FBXO34: variants seen among roughly 807,000 people sequenced by gnomAD.
FBXO34 encodes F-box protein 34.
Under a neutral mutation model 24.5 loss-of-function variants are expected in FBXO34, and 12 were observed. The ratio of observed to expected loss-of-function variants is 0.49; its 90% confidence interval spans 0.31 to 0.79. The LOEUF (loss-of-function observed/expected upper bound fraction) is 0.79. Among genes scored for constraint, FBXO34 ranks in the 30% least tolerant of loss-of-function variants. FBXO34 has a pLI of 0.04. For synonymous variants in FBXO34, 320 were observed against 311.9 expected, an observed-to-expected ratio of 1.03 and a Z score of -0.27; for missense variants, 823 against 857.7, an observed-to-expected ratio of 0.96 and a Z score of 0.51.
At chr14:55,312,218 CAAAA>C (rs1033067155) in intron 1 of FBXO34, among the ~76,000 whole-genome samples, 3 of 149,292 alleles carry the variant, frequency 2.0e-5, no homozygotes, top group East Asian at 3.9e-4. Flanking sequence ...AACAAACAAA[CAAAA>C]AACCTTAAAG....
At chr14:55,412,237 T>C in the FBXO34 span, among the ~76,000 whole-genome samples, 1 of 152,160 alleles carries the variant, frequency 6.6e-6, no homozygotes, top group Non-Finnish European at 1.5e-5. Flanking sequence ...AGGGGCTGGG[T>C]CTTGGAACTA....
intron 1 of FBXO34, among the ~76,000 whole-genome samples, chr14:55,310,718 T>G (rs1185053018): frequency 6.6e-6 from 1 of 152,192 alleles, no homozygotes; most frequent in Non-Finnish European, 1.5e-5. Context: ...CGAATCACTC[T>G]TAAGGGAGTA....
intron 1 of FBXO34, among the ~76,000 whole-genome samples, chr14:55,331,691 A>ATATATATATATGTG (rs1883552312): frequency 1.5e-5 from 1 of 66,770 alleles, no homozygotes; most frequent in African/African-American, 1.9e-4. Flanking sequence ...ATATGTGTAT[A>ATATATATATATGTG]TATATATATA....
At chr14:55,423,344 G>A in the FBXO34 span, among the ~76,000 whole-genome samples, 2 of 152,312 alleles carry the variant, frequency 1.3e-5, no homozygotes, top group South Asian at 2.1e-4. Context: ...ACAATTGGGC[G>A]ATTTGTTCTA....
chr14:55,370,981 C>T (rs1483190645), downstream of FBXO34, among the ~76,000 whole-genome samples: 1 of 152,132 alleles, frequency 6.6e-6, no homozygotes, highest in Non-Finnish European at 1.5e-5. Flanking sequence ...AAATGCCCCT[C>T]AGCTCCTGCT....
chr14:55,278,109 C>G (rs187905396), intron 1 of FBXO34, among the ~76,000 whole-genome samples: 1 of 152,168 alleles, frequency 6.6e-6, no homozygotes, highest in African/African-American at 2.4e-5. Flanking sequence ...ACTGTTGTTT[C>G]TGTTCTCTGT....
the FBXO34 span, among the ~76,000 whole-genome samples, chr14:55,386,602 G>C: frequency 6.6e-6 from 1 of 152,348 alleles, no homozygotes; most frequent in Admixed American, 6.5e-5. Context: ...AAAAGTCACA[G>C]TGGAGTGTGG....
At chr14:55,354,996 C>G (rs761592666), downstream of FBXO34, 1 of 152,234 alleles carries the variant, frequency 6.6e-6, no homozygotes, top group Admixed American at 6.6e-5. Flanking sequence ...AAACCTCCCC[C>G]CTCAGCTTTT....
At chr14:55,324,186 A>G (rs934142442) in intron 1 of FBXO34, among the ~76,000 whole-genome samples, 1 of 152,136 alleles carries the variant, frequency 6.6e-6, no homozygotes, top group Non-Finnish European at 1.5e-5. Context: ...AGAATCATAT[A>G]GTATGTGCCT....
rs532894025 is a variant in FBXO34 at position 55,333,843 on chromosome 14, A to G, written c.-10-16538A>G. On this transcript the variant is annotated intron_variant, in intron 1 of 1. Transcript: ENST00000313833. Reference sequence around the variant, plus strand: ...GGACTTAGTGTCTGTATATTTTAGTATTTAAAGGATGTGGTTTGGTGCTTT... The same window carrying G: ...GGACTTAGTGTCTGTATATTTTAGTGTTTAAAGGATGTGGTTTGGTGCTTT... 3.3e-5 allele frequency among the ~76,000 whole-genome samples: 5 copies of G among 151,884 alleles called. No individual in the cohort carries two copies. The South Asian group carries it at 1.0e-3, about 32-fold the overall frequency.
the FBXO34 span, chr14:55,380,738 A>G: frequency 8.0e-7 from 1 of 1,253,956 alleles, no homozygotes; most frequent in Non-Finnish European, 1.1e-6. Context: ...ATTCCAACAA[A>G]ACTACTAATA....
At chr14:55,337,127 C>T (rs907747217) in intron 1 of FBXO34, among the ~76,000 whole-genome samples, 6 of 152,048 alleles carry the variant, frequency 3.9e-5, no homozygotes, top group Non-Finnish European at 7.4e-5. Flanking sequence ...ATGTCCACCA[C>T]TGTGCCTGGC....
the FBXO34 span, among the ~76,000 whole-genome samples, chr14:55,396,849 C>A: frequency 6.6e-6 from 1 of 152,152 alleles, no homozygotes; most frequent in Non-Finnish European, 1.5e-5. Flanking sequence ...CACCATTCCC[C>A]CCCACAAAAA....
intron 1 of FBXO34, among the ~76,000 whole-genome samples, chr14:55,323,156 G>A (rs1446411637): frequency 9.3e-6 from 1 of 107,446 alleles, no homozygotes; most frequent in Non-Finnish European, 1.7e-5. Context: ...CTGCACTCCA[G>A]CCTGGGCGAC....
At chr14:55,318,564 ATG>A (rs1361386582) in intron 1 of FBXO34, among the ~76,000 whole-genome samples, 1 of 146,464 alleles carries the variant, frequency 6.8e-6, no homozygotes, top group Non-Finnish European at 1.5e-5. Context: ...GGGTCTTGCT[ATG>A]TTACCCAGGG....
intron 1 of FBXO34, among the ~76,000 whole-genome samples, chr14:55,284,370 G>A (rs1043335463): frequency 5.9e-5 from 9 of 151,686 alleles, no homozygotes; most frequent in Non-Finnish European, 8.8e-5. Context: ...AAAATTAGCC[G>A]GGCGTGGTGG....
At chr14:55,288,684 A>T (rs1881843899) in intron 1 of FBXO34, among the ~76,000 whole-genome samples, 1 of 152,184 alleles carries the variant, frequency 6.6e-6, no homozygotes. Flanking sequence ...ATCAGAGAAA[A>T]GGCTTGTTGG....
chr14:55,439,678 C>T, the FBXO34 span, among the ~76,000 whole-genome samples: 5 of 148,982 alleles, frequency 3.4e-5, no homozygotes, highest in Admixed American at 6.9e-5. Flanking sequence ...CGCCTGTAAT[C>T]CCAGCACTTT....
the FBXO34 span, among the ~76,000 whole-genome samples, chr14:55,441,829 C>A: frequency 2.0e-5 from 3 of 151,970 alleles, no homozygotes; most frequent in African/African-American, 7.2e-5. Context: ...GAGTGCAGAT[C>A]TTGGCTCACT....
Sources: gnomAD v4.1 joint callset for allele counts (sites outside exome capture counted in the v4.1 genomes callset) on GRCh38, gnomAD v4.1.1 for gene constraint, MANE v1.5 for transcripts, NCBI Gene and HGNC (gene_info 2026-07-23, HGNC 2026-07-21) for gene names.